The following RBFOX1 variants were observed in gnomAD, a reference collection of about 807,000 sequenced individuals.
RBFOX1 encodes the protein RNA binding protein fox-1 homolog 1.
In RBFOX1, 8 loss-of-function variants were observed where a neutral mutation model predicts 57.7. The observed-to-expected ratio is 0.14, with a 90% CI of 0.08 to 0.25. RBFOX1 has a LOEUF of 0.25. Ranked by LOEUF, RBFOX1 falls within the 10% of genes least tolerant of loss-of-function variation. The pLI, the probability that RBFOX1 is intolerant of heterozygous loss-of-function variation, is 1.00. For missense variants in RBFOX1, 611 were observed against 548.5 expected (o/e 1.11, Z -1.14); for synonymous variants, 326 against 222.4 (o/e 1.47, Z -4.15).
intron 5 of RBFOX1, among the ~76,000 whole-genome samples, chr16:7,547,525 C>A (rs944760711): frequency 1.3e-5 from 2 of 152,186 alleles, no homozygotes; most frequent in Admixed American, 1.3e-4. Context: ...AAAAGACCAA[C>A]ATACTTTATT....
intron 4 of RBFOX1, among the ~76,000 whole-genome samples, chr16:7,477,820 G>T (rs1002774785): frequency 6.6e-6 from 1 of 152,156 alleles, no homozygotes; most frequent in African/African-American, 2.4e-5. Flanking sequence ...AATAGACCCT[G>T]AGTCTAGGAA....
At chr16:5,306,595 C>G (rs1323561164) in intron 1 of RBFOX1, among the ~76,000 whole-genome samples, 2 of 152,112 alleles carry the variant, frequency 1.3e-5, no homozygotes, top group African/African-American at 2.4e-5. Flanking sequence ...GTGTGAGTCA[C>G]CATGCCTGGC....
intron 1 of RBFOX1, among the ~76,000 whole-genome samples, chr16:5,356,726 A>G (rs995104727): frequency 7.9e-5 from 12 of 152,314 alleles, no homozygotes; most frequent in African/African-American, 2.9e-4. Context: ...TAATTCAAAG[A>G]TTGTGGCCTA....
At chr16:7,320,874 A>G (rs898897119) in intron 4 of RBFOX1, among the ~76,000 whole-genome samples, 1 of 152,238 alleles carries the variant, frequency 6.6e-6, no homozygotes, top group Non-Finnish European at 1.5e-5. Context: ...AAGGGAATTA[A>G]TTGAGGTTCA....
chr16:6,589,240 C>T (rs1381219291), intron 2 of RBFOX1, among the ~76,000 whole-genome samples: 2 of 152,210 alleles, frequency 1.3e-5, no homozygotes, highest in African/African-American at 4.8e-5. Flanking sequence ...ATGGGTTCTC[C>T]TTGCCTGCTG....
chr16:7,200,742 T>C (rs781383158), intron 4 of RBFOX1, among the ~76,000 whole-genome samples: 22 of 152,182 alleles, frequency 1.4e-4, no homozygotes, highest in Non-Finnish European at 2.6e-4. Flanking sequence ...CCCATTAAGA[T>C]GGCAGTGAAA....
At chr16:6,223,640 A>G (rs1044974997) in intron 1 of RBFOX1, among the ~76,000 whole-genome samples, 3 of 151,988 alleles carry the variant, frequency 2.0e-5, no homozygotes, top group Non-Finnish European at 4.4e-5. Context: ...ATTTTCTCCC[A>G]TTTTGTAGGT....
At chr16:6,313,703 T>C (rs2080687133) in intron 1 of RBFOX1, among the ~76,000 whole-genome samples, 2 of 152,180 alleles carry the variant, frequency 1.3e-5, no homozygotes, top group African/African-American at 4.8e-5. Context: ...CTCTTTAGCT[T>C]CTGTGTAATC....
chr16:7,337,468 G>A (rs926339591), intron 4 of RBFOX1, among the ~76,000 whole-genome samples: 4 of 152,162 alleles, frequency 2.6e-5, no homozygotes, highest in Non-Finnish European at 4.4e-5. Context: ...TACTGAGATA[G>A]AGCCTTGGCG....
At chr16:5,267,724 C>T (rs1033149669) in intron 1 of RBFOX1, among the ~76,000 whole-genome samples, 5 of 152,170 alleles carry the variant, frequency 3.3e-5, no homozygotes, top group African/African-American at 1.2e-4. Flanking sequence ...TTTCTGTCTC[C>T]TGTTTATTCA....
intron 1 of RBFOX1, among the ~76,000 whole-genome samples, chr16:6,218,045 A>G (rs2097347573): frequency 6.6e-6 from 1 of 152,144 alleles, no homozygotes; most frequent in African/African-American, 2.4e-5. Flanking sequence ...CGTTGCATGA[A>G]TGAAAAGTTG....
intron 4 of RBFOX1, among the ~76,000 whole-genome samples, chr16:7,257,128 C>T (rs1403627194): frequency 2.0e-5 from 3 of 152,286 alleles, no homozygotes; most frequent in Non-Finnish European, 2.9e-5. Context: ...TGAAACTGAA[C>T]GAAATTGCCT....
intron 3 of RBFOX1, among the ~76,000 whole-genome samples, chr16:6,965,781 C>T (rs140560797): frequency 6.6e-6 from 1 of 152,160 alleles, no homozygotes. Context: ...ATAGCAAGTA[C>T]TCACTTAGGT....
chr16:6,768,187 A>G (rs1256296185), intron 3 of RBFOX1, among the ~76,000 whole-genome samples: 2 of 151,962 alleles, frequency 1.3e-5, no homozygotes, highest in East Asian at 1.9e-4. Flanking sequence ...ATAGAGCTAG[A>G]CTCCATCTCA....
At chr16:5,484,340 T>G (rs1402520159) in intron 2 of RBFOX1, among the ~76,000 whole-genome samples, 1 of 152,206 alleles carries the variant, frequency 6.6e-6, no homozygotes, top group South Asian at 2.1e-4. Flanking sequence ...ACCCCTCCAG[T>G]AAGCAGCTCA....
intron 1 of RBFOX1, among the ~76,000 whole-genome samples, chr16:6,176,929 C>G (rs1293726239): frequency 6.6e-6 from 1 of 152,218 alleles, no homozygotes; most frequent in East Asian, 1.9e-4. Context: ...CTGTGACAAC[C>G]CCAGTGCCTG....
chr16:6,871,089 T>C (rs535990759), intron 3 of RBFOX1, among the ~76,000 whole-genome samples: 3 of 152,340 alleles, frequency 2.0e-5, no homozygotes, highest in Non-Finnish European at 2.9e-5. Flanking sequence ...AGATGACTTA[T>C]CTTTCTTCTT....
chr16:5,644,457 T>C (rs930283642), intron 3 of RBFOX1, among the ~76,000 whole-genome samples: 2 of 152,176 alleles, frequency 1.3e-5, no homozygotes, highest in Admixed American at 6.5e-5. Context: ...TCCAGATGGG[T>C]TGAAGTTGGA....
chr16:5,801,755 TG>T (rs111626280), intron 3 of RBFOX1, among the ~76,000 whole-genome samples: 14,949 of 152,136 alleles, frequency 0.098, 1,472 homozygotes, highest in African/African-American at 0.25. Flanking sequence ...AGGTTTTTTG[TG>T]TTGTTTGTTT....
Sources: allele counts gnomAD v4.1 joint callset (sites outside exome capture counted in the v4.1 genomes callset), GRCh38; gene constraint gnomAD v4.1.1; transcripts MANE v1.5; gene names NCBI Gene and HGNC (gene_info 2026-07-23, HGNC 2026-07-21).